The following AK8 variants were observed in gnomAD, a reference collection of about 807,000 sequenced individuals.
AK8 encodes the protein adenylate kinase 8, also known as ATP-AMP transphosphorylase 8.
Under a neutral mutation model 54.6 loss-of-function variants are expected in AK8, and 44 were observed. The observed-to-expected ratio is 0.81, with a 90% CI of 0.63 to 1.04. AK8 has a LOEUF of 1.04. AK8 is among the 50% of genes least tolerant of loss of function. AK8 has a pLI of 0.00. For missense variants in AK8, 555 were observed against 613.6 expected (o/e 0.90, Z 1.01); for synonymous variants, 239 against 245.6 (o/e 0.97, Z 0.25).
chr9:132,872,038 T>G (rs1363790366), intron 2 of AK8, among the ~76,000 whole-genome samples: 1 of 151,936 alleles, frequency 6.6e-6, no homozygotes, highest in African/African-American at 2.4e-5. Flanking sequence ...GAAGTAGCGG[T>G]TTAAGAACAC....
chr9:132,801,085 C>T lies in AK8; in HGVS notation c.980-8310G>A, dbSNP rs527564016. Among the ~76,000 whole-genome samples the T allele has an allele frequency of 7.9e-5, 12 of 152,164 alleles. No homozygotes were observed. The East Asian group carries it at 1.5e-3, about 20-fold the overall frequency. ...GATTACAGAAGTGCGCCACCAGGCC[C>T]GGCTAATTTTTTTTGTATTTTTAGT... On this transcript the variant is annotated intron_variant, in intron 10 of 12. Coordinates refer to ENST00000298545, the MANE Select transcript of AK8 (RefSeq NM_152572.3).
At chr9:132,738,020 A>C (rs1837198192) in intron 11 of AK8, among the ~76,000 whole-genome samples, 1 of 151,814 alleles carries the variant, frequency 6.6e-6, no homozygotes, top group South Asian at 2.1e-4. Context: ...TAAGTGCTAA[A>C]TAAATATTTA....
intron 10 of AK8, among the ~76,000 whole-genome samples, chr9:132,794,795 G>T (rs1840087634): frequency 6.6e-6 from 1 of 152,110 alleles, no homozygotes; most frequent in Non-Finnish European, 1.5e-5. Flanking sequence ...ATGGGCTTGG[G>T]GCATTCACAA....
intron 11 of AK8, among the ~76,000 whole-genome samples, chr9:132,728,350 G>C (rs1182908124): frequency 6.6e-6 from 1 of 152,196 alleles, no homozygotes; most frequent in Admixed American, 6.5e-5. Context: ...GTTTGGGTGA[G>C]CTTTGGGGGA....
At chr9:132,735,374 G>A (rs1837053340) in intron 11 of AK8, among the ~76,000 whole-genome samples, 1 of 152,170 alleles carries the variant, frequency 6.6e-6, no homozygotes, top group African/African-American at 2.4e-5. Flanking sequence ...TGAGAGATAC[G>A]ATGTACAATA....
chr9:132,725,694 G>T lies in AK8; in HGVS notation c.1434C>A (p.Ile478=). The T allele has an allele frequency of 2.5e-6, 4 of 1,573,554 alleles. No individual in the cohort carries two copies. The highest frequency in any genetic ancestry group is 3.5e-6 in the Non-Finnish European group (4 of 1,156,336). Residue 478 remains isoleucine, a synonymous_variant, in exon 13 of 13, where the codon ATC becomes ATA. Transcript: ENST00000298545. ...GCTCCTGGCTCTGAACCCATCAGGG[G>T]ATTTTCTTGGGCAGGGGATTAATGA... The part of the protein sequence containing the change: ...SGIINPLPKK[I]P
At chr9:132,789,023 C>T (rs1371738290) in intron 11 of AK8, among the ~76,000 whole-genome samples, 4 of 152,168 alleles carry the variant, frequency 2.6e-5, no homozygotes, top group Admixed American at 6.5e-5. Context: ...GGACTGGGTG[C>T]GGTGGCTCAC....
At chr9:132,823,063 T>G in intron 9 of AK8, 142 bp downstream of exon 9, 1 of 1,207,200 alleles carries the variant, frequency 8.3e-7, no homozygotes, top group Non-Finnish European at 1.1e-6. Context: ...CAGAAAATGG[T>G]TAAGAACAAA....
intron 11 of AK8, among the ~76,000 whole-genome samples, chr9:132,756,051 G>A (rs2131034304): frequency 6.6e-6 from 1 of 152,308 alleles, no homozygotes; most frequent in Non-Finnish European, 1.5e-5. Context: ...ACAGGCATGA[G>A]CCACCACACC....
chr9:132,839,112 T>G (rs536049049), intron 5 of AK8, among the ~76,000 whole-genome samples: 1 of 152,028 alleles, frequency 6.6e-6, no homozygotes, highest in East Asian at 1.9e-4. Flanking sequence ...CCTGGCTAAT[T>G]TTTGTATTTT....
rs115184727 is a variant in AK8 at position 132,767,163 on chromosome 9, C to T, written c.1121+25471G>A. On this transcript the variant is annotated intron_variant, in intron 11 of 12. Transcript: ENST00000298545. ...ATCAAGCTAAAAAGCTTCTGCATAG[C>T]GAAGGAAACAACAGAGTGAAGAGAC... 4.7e-3 allele frequency among the ~76,000 whole-genome samples: 719 copies of T among 152,066 alleles called. 4 individuals carry two copies. Among genetic ancestry groups the T allele is most frequent in the African/African-American group, 0.016 (684 of 41,484 alleles).
At chr9:132,858,683 C>T (rs1391121051) in intron 4 of AK8, among the ~76,000 whole-genome samples, 1 of 152,150 alleles carries the variant, frequency 6.6e-6, no homozygotes, top group Non-Finnish European at 1.5e-5. Context: ...GAGACAACTC[C>T]CATTCCAAAG....
chr9:132,859,514 A>AT lies in AK8; in HGVS notation c.333+4150dup, dbSNP rs35877642. ...GGTGTAAGCCACTGCACCCAGCCAG[A>AT]TTTTTTTTTTTAAACAGTAGAAATT... is the stretch of plus-strand genomic sequence containing the variant. On this transcript the variant is annotated intron_variant, in intron 4 of 12. Transcript: ENST00000298545. 9.5e-4 allele frequency among the ~76,000 whole-genome samples: 141 copies of AT among 148,754 alleles called. 1 individual carries two copies. The highest frequency in any genetic ancestry group is 9.8e-4 in the East Asian group (5 of 5,092).
chr9:132,792,082 T>C (rs2131166053), intron 11 of AK8, among the ~76,000 whole-genome samples: 1 of 152,342 alleles, frequency 6.6e-6, no homozygotes, highest in East Asian at 1.9e-4. Context: ...CCCTTGCTAT[T>C]GCAAGCTCAG....
At position 132,837,037 on chromosome 9, in the gene AK8, C is replaced by T. The variant is rs1406234451; in HGVS notation, c.403-8311G>A. 1.3e-5 allele frequency among the ~76,000 whole-genome samples: 2 copies of T among 152,056 alleles called. No homozygotes were observed. Among genetic ancestry groups the T allele is most frequent in the Non-Finnish European group, 2.9e-5 (2 of 68,014 alleles). ...CAAACTCAGCCTAAGAATGGGAGAA[C>T]GGGCCAGGCGTGGTGGTTCACGCCT... On this transcript the variant is annotated intron_variant, in intron 5 of 12. Transcript: ENST00000298545. This position sits in a 1 kb window ranked among gnomAD's most constrained non-coding sequence, Gnocchi z 4.3.
At chr9:132,854,806 C>G in intron 5 of AK8, 51 bp downstream of exon 5, 1 of 1,595,270 alleles carries the variant, frequency 6.3e-7, no homozygotes, top group East Asian at 2.2e-5. Flanking sequence ...ACACGCCCTT[C>G]ACCCTCCCCT....
chr9:132,841,422 G>A (rs570037699), intron 5 of AK8, among the ~76,000 whole-genome samples: 46 of 152,346 alleles, frequency 3.0e-4, no homozygotes, highest in South Asian at 2.3e-3. Context: ...CCCCTGCAGC[G>A]GCGTGGGGGT....
chr9:132,830,278 G>C (rs569118670), intron 5 of AK8, among the ~76,000 whole-genome samples: 17 of 152,194 alleles, frequency 1.1e-4, no homozygotes, highest in East Asian at 3.9e-4. Context: ...TATGCATCTC[G>C]ATGCCTATCA....
intron 11 of AK8, among the ~76,000 whole-genome samples, chr9:132,776,766 G>A (rs1186099420): frequency 6.6e-6 from 1 of 152,198 alleles, no homozygotes; most frequent in Non-Finnish European, 1.5e-5. Context: ...CCCAAGACAG[G>A]AGAAGACGAT....
Sources: gnomAD v4.1 joint callset for allele counts (sites outside exome capture counted in the v4.1 genomes callset) on GRCh38, gnomAD v4.1.1 for gene constraint, Gnocchi (gnomAD v3.1) non-coding constraint, MANE v1.5 for transcripts, NCBI Gene and HGNC (gene_info 2026-07-23, HGNC 2026-07-21) for gene names.